Variants in LSAMP observed in about 807,000 individuals in gnomAD.
The protein encoded by LSAMP is limbic system associated membrane protein.
In LSAMP, 7 loss-of-function variants were observed where a neutral mutation model predicts 38.6. The observed-to-expected ratio is 0.18, with a 90% CI of 0.10 to 0.34. The LOEUF is 0.34. LSAMP is among the 10% of genes least tolerant of loss of function. LSAMP has a pLI of 1.00. For missense variants in LSAMP, 313 were observed against 420.0 expected, an observed-to-expected ratio of 0.75 and a Z score of 2.23; for synonymous variants, 154 against 166.8, an observed-to-expected ratio of 0.92 and a Z score of 0.59.
chr3:115,966,123 G>T (rs4373060), intron 3 of LSAMP, among the ~76,000 whole-genome samples: 37,172 of 152,076 alleles, frequency 0.24, 5,200 homozygotes, highest in African/African-American at 0.4. Flanking sequence ...GAAAATAAAA[G>T]TGTTCTGTAC....
intron 1 of LSAMP, among the ~76,000 whole-genome samples, chr3:116,386,965 G>C (rs1350637532): frequency 1.3e-5 from 2 of 152,106 alleles, no homozygotes; most frequent in African/African-American, 2.4e-5. Flanking sequence ...CATGGGCTAA[G>C]ATACAGAAGA....
intron 6 of LSAMP, among the ~76,000 whole-genome samples, chr3:115,822,693 C>T (rs1934285298): frequency 6.6e-6 from 1 of 152,068 alleles, no homozygotes; most frequent in African/African-American, 2.4e-5. Context: ...TGGACCATTG[C>T]CCTCATGACT....
intron 6 of LSAMP, among the ~76,000 whole-genome samples, chr3:115,831,716 C>T (rs1232935261): frequency 6.6e-6 from 1 of 152,080 alleles, no homozygotes; most frequent in African/African-American, 2.4e-5. Flanking sequence ...GGTATTTATG[C>T]AAATTTATGC....
chr3:115,828,928 CA>C (rs1422138588), intron 6 of LSAMP, among the ~76,000 whole-genome samples: 2 of 152,096 alleles, frequency 1.3e-5, no homozygotes, highest in Admixed American at 6.6e-5. Context: ...CTGGTGCAGG[CA>C]GATCCAGATT....
chr3:116,350,702 G>A (rs2048127273), intron 1 of LSAMP, among the ~76,000 whole-genome samples: 1 of 151,646 alleles, frequency 6.6e-6, no homozygotes, highest in South Asian at 2.1e-4. Flanking sequence ...CCGAAGAGAA[G>A]CCATAAAGTG....
At chr3:116,012,436 T>C (rs1285106223) in intron 3 of LSAMP, among the ~76,000 whole-genome samples, 1 of 152,228 alleles carries the variant, frequency 6.6e-6, no homozygotes, top group East Asian at 1.9e-4. Context: ...ATGGGTTCTA[T>C]ATAGCTACAG....
chr3:116,369,157 T>A (rs1209791987), intron 1 of LSAMP, among the ~76,000 whole-genome samples: 5 of 151,624 alleles, frequency 3.3e-5, no homozygotes, highest in Non-Finnish European at 5.9e-5. Flanking sequence ...AGAAGATTGA[T>A]CCTGTGATAT....
At chr3:116,256,220 G>C (rs568885885) in intron 1 of LSAMP, among the ~76,000 whole-genome samples, 2 of 152,276 alleles carry the variant, frequency 1.3e-5, no homozygotes, top group Admixed American at 1.3e-4. Flanking sequence ...TTCGATAAAG[G>C]TTTCCTGACA....
In LSAMP at chr3:116,098,184, T is replaced by A. The variant is rs535437879; in HGVS notation, c.156-11628A>T. ...CCTCTCCCAGATGACAAGAAGCCAG[T>A]AGATCACGATGGATGCGTATAAATC... On this transcript the variant is annotated intron_variant, in intron 1 of 6. Transcript: ENST00000490035. Among the ~76,000 whole-genome samples, 72 of 152,200 alleles carry A rather than the reference T, an allele frequency of 4.7e-4. 1 individual carries two copies. In the South Asian group the frequency reaches 0.015, roughly 31 times the overall value.
chr3:115,931,526 C>T (rs1412601546), intron 3 of LSAMP, among the ~76,000 whole-genome samples: 1 of 152,076 alleles, frequency 6.6e-6, no homozygotes, highest in Non-Finnish European at 1.5e-5. Context: ...ACAAATGAGC[C>T]GTTGGGTCAG....
chr3:115,897,070 G>A (rs1936747372), intron 3 of LSAMP, among the ~76,000 whole-genome samples: 2 of 152,074 alleles, frequency 1.3e-5, no homozygotes, highest in African/African-American at 2.4e-5. Flanking sequence ...AAGAAGCCTC[G>A]CTTATGATTC....
chr3:116,002,466 C>T (rs181651498), intron 3 of LSAMP, among the ~76,000 whole-genome samples: 326 of 152,224 alleles, frequency 2.1e-3, no homozygotes, highest in Non-Finnish European at 3.8e-3. Context: ...CTTTTGAATG[C>T]GCAGTTTTGG....
At chr3:116,392,982 T>C (rs1162538309) in intron 1 of LSAMP, among the ~76,000 whole-genome samples, 1 of 152,128 alleles carries the variant, frequency 6.6e-6, no homozygotes, top group Non-Finnish European at 1.5e-5. Context: ...ACCTTGGCTA[T>C]GGAGACAAGC....
At chr3:115,909,103 G>A (rs980533660) in intron 3 of LSAMP, among the ~76,000 whole-genome samples, 24 of 152,158 alleles carry the variant, frequency 1.6e-4, no homozygotes, top group African/African-American at 4.3e-4. Flanking sequence ...ATGCCCGTCC[G>A]GTTCAATATC....
At chr3:116,277,207 A>G (rs1457839436) in intron 1 of LSAMP, among the ~76,000 whole-genome samples, 1 of 152,352 alleles carries the variant, frequency 6.6e-6, no homozygotes, top group East Asian at 1.9e-4. Flanking sequence ...TGTGGTCAGC[A>G]TGGGCTGATA....
chr3:116,335,238 G>A (rs549990426), intron 1 of LSAMP, among the ~76,000 whole-genome samples: 2 of 152,110 alleles, frequency 1.3e-5, no homozygotes, highest in African/African-American at 4.8e-5. Flanking sequence ...GAAAACACAT[G>A]TCATGTTCAT....
chr3:115,878,429 T>C (rs1022717797), intron 3 of LSAMP, among the ~76,000 whole-genome samples: 14 of 150,880 alleles, frequency 9.3e-5, no homozygotes, highest in Non-Finnish European at 2.1e-4. Context: ...AAAGATTTAC[T>C]TGATACTTTG....
intron 6 of LSAMP, among the ~76,000 whole-genome samples, chr3:115,821,192 A>G (rs1364288920): frequency 6.6e-6 from 1 of 152,164 alleles, no homozygotes; most frequent in East Asian, 1.9e-4. Context: ...CAAAGATGAA[A>G]GATGCTCCAT....
intron 3 of LSAMP, among the ~76,000 whole-genome samples, chr3:115,973,948 C>T (rs1428331354): frequency 2.0e-5 from 3 of 152,110 alleles, no homozygotes; most frequent in Non-Finnish European, 4.4e-5. Flanking sequence ...AATGCACAAC[C>T]TATACCACTT....
Sources: allele counts gnomAD v4.1 joint callset (sites outside exome capture counted in the v4.1 genomes callset), GRCh38; gene constraint gnomAD v4.1.1; transcripts MANE v1.5; gene names NCBI Gene and HGNC (gene_info 2026-07-23, HGNC 2026-07-21).